Variants in SLC4A11 observed in about 807,000 individuals in gnomAD.
SLC4A11 encodes bicarbonate transporter related protein 1.
A neutral mutation model predicts 95.0 loss-of-function variants in SLC4A11; 74 were observed. That is an observed-to-expected ratio of 0.78 (90% CI 0.65 to 0.95). The LOEUF (loss-of-function observed/expected upper bound fraction) is 0.95. Among genes scored for constraint, SLC4A11 ranks in the 40% least tolerant of loss-of-function variants. SLC4A11 has a pLI of 0.00. For synonymous variants in SLC4A11, 548 were observed against 519.0 expected (o/e 1.06, Z -0.76); for missense variants, 1,081 against 1,192.4 (o/e 0.91, Z 1.38).
chr20:3,231,240 G>T lies in SLC4A11; in HGVS notation c.951C>A (p.Pro317=), dbSNP rs369617230. 43 of 1,613,832 alleles carry T rather than the reference G, an allele frequency of 2.7e-5. No homozygotes were observed. The highest frequency in any genetic ancestry group is 3.5e-5 in the Non-Finnish European group (41 of 1,180,026). Residue 317 remains proline, a splice_region_variant and synonymous_variant, in exon 9 of 20, where the codon CCC becomes CCA. Coordinates refer to ENST00000642402, the MANE Select transcript of SLC4A11 (RefSeq NM_001174089.2). This position sits in a 1 kb window ranked among gnomAD's most constrained non-coding sequence, Gnocchi z 5.2. ...AAGGGACAAAGTCCTTGCACTTTGG[G>T]GGCTGGAGGAGAGGACAGAGCGCCT... The part of the protein sequence containing the change: ...VSLPAHRHPE[P]PKCKDFVPFG...
Position 3,228,837 on chromosome 20 carries a change from C to A in SLC4A11, c.2192+1G>T. 1 of 1,613,782 alleles carries A rather than the reference C, an allele frequency of 6.2e-7. No homozygotes were observed. ...ACGGCTCTTGCCAGCCTCACACTCA[C>A]GTGTCATAGATGTGTCCGTTCTCCA... is the stretch of plus-strand genomic sequence containing the variant. On this transcript the variant is annotated splice_donor_variant, in intron 17 of 19. Coordinates refer to ENST00000642402, the MANE Select transcript of SLC4A11 (RefSeq NM_001174089.2). LOFTEE classifies it high-confidence loss of function.
Position 3,234,784 on chromosome 20 carries a change from A to G in SLC4A11, c.199T>C (p.Phe67Leu). ...SSIVSGESIR[F>L]FVNVNLEMQA... is the part of the protein sequence containing the mutation. The stretch of plus-strand genomic sequence containing the variant: ...ATCTCAAGGTTGACATTGACAAAAA[A>G]ACGGATACTCTCGCCAGACACGATG... Residue 67 changes from phenylalanine (F) to leucine (L), a missense_variant, in exon 3 of 20, where the codon TTT becomes CTT. Around this residue, in one of 3 missense-constraint regions of SLC4A11, gnomAD observed 310 missense variants for 313.5 expected, o/e 0.99. Transcript: ENST00000642402. This position sits in a 1 kb window ranked among gnomAD's most constrained non-coding sequence, Gnocchi z 5.8. The G allele has an allele frequency of 6.2e-7, 1 of 1,614,030 alleles. No individual in the cohort carries two copies. Among genetic ancestry groups the G allele is most frequent in the Non-Finnish European group, 8.5e-7 (1 of 1,180,010 alleles).
upstream of SLC4A11, chr20:3,239,314 G>C: frequency 8.7e-7 from 1 of 1,154,844 alleles, no homozygotes; most frequent in Non-Finnish European, 1.1e-6. Flanking sequence ...AGCTGCCGAG[G>C]GCTGGGACCC....
intron 7 of SLC4A11, among the ~76,000 whole-genome samples, chr20:3,232,471 C>A (rs930721342): frequency 3.9e-5 from 6 of 152,254 alleles, no homozygotes; most frequent in African/African-American, 1.4e-4. Context: ...GAGGCTAAGG[C>A]AGGCAGATCA....
In SLC4A11 at chr20:3,230,654, G is replaced by T; in HGVS notation, c.1283-7C>A. ...TCACAGATGACACGAATCACTGCAG[G>T]CAGGGGGCAGGGCGGGTCAGGGCCC... is the stretch of plus-strand genomic sequence containing the variant. On this transcript the variant is annotated splice_polypyrimidine_tract_variant and splice_region_variant and intron_variant, in intron 11 of 19. Coordinates refer to ENST00000642402, the MANE Select transcript of SLC4A11 (RefSeq NM_001174089.2). 6.2e-7 allele frequency: 1 copy of T among 1,613,208 alleles called. No individual in the cohort carries two copies. Among genetic ancestry groups the T allele is most frequent in the Non-Finnish European group, 8.5e-7 (1 of 1,179,982 alleles).
intron 1 of SLC4A11, chr20:3,238,741 C>G: frequency 9.3e-7 from 1 of 1,080,032 alleles, no homozygotes; most frequent in Non-Finnish European, 1.1e-6. Context: ...GGCGGCCCGC[C>G]AGGCTCCCAA....
Position 3,229,026 on chromosome 20 carries a change from C to A in SLC4A11, c.2019-15G>T, listed in dbSNP as rs6051658. The stretch of plus-strand genomic sequence containing the variant: ...CCTTCACCAGCCTGCAGCAGACGGG[C>A]ACTCGTGGACAGAGCCCCACAGCAG... On this transcript the variant is annotated splice_polypyrimidine_tract_variant and intron_variant, in intron 16 of 19. Transcript: ENST00000642402. The A allele has an allele frequency of 9.3e-6, 15 of 1,610,712 alleles. 1 individual carries two copies. In the African/African-American group the frequency reaches 1.5e-4, roughly 16 times the overall value.
chr20:3,239,033 C>A, intron 1 of SLC4A11, 62 bp downstream of exon 1: 1 of 1,452,280 alleles, frequency 6.9e-7, no homozygotes, highest in Admixed American at 2.5e-5. Flanking sequence ...GGGTCCCCGA[C>A]GGGAGACGGT....
At position 3,234,480 on chromosome 20, in the gene SLC4A11, A is replaced by AG. The variant is rs2067900985; in HGVS notation, c.291+87dup. 1 of 1,576,232 alleles carries AG rather than the reference A, an allele frequency of 6.3e-7. No homozygotes were observed. Among genetic ancestry groups the AG allele is most frequent in the Non-Finnish European group, 8.7e-7 (1 of 1,148,252 alleles). ...GAGCTGCTCCTGGAGGCATGGGAAG[A>AG]GGGGAGCAGCGGGAGGATTCTCAGG... On this transcript the variant is annotated intron_variant, in intron 4 of 19. Transcript: ENST00000642402. This position sits in a 1 kb window ranked among gnomAD's most constrained non-coding sequence, Gnocchi z 5.8.
At position 3,234,057 on chromosome 20, in the gene SLC4A11, C is replaced by G. The variant is rs41281864; in HGVS notation, c.523+26G>C. On this transcript the variant is annotated intron_variant, in intron 5 of 19. Coordinates refer to ENST00000642402, the MANE Select transcript of SLC4A11 (RefSeq NM_001174089.2). The surrounding 1 kb of genome is among the most constrained non-coding windows in gnomAD (Gnocchi z 5.8). ...GGTCAACAGCCCCTCCCAACGCCCC[C>G]GCCCGGGCCGGGAGACCGGCCTCAC... is the stretch of plus-strand genomic sequence containing the variant. 6.8e-6 allele frequency: 11 copies of G among 1,613,524 alleles called. No homozygotes were observed. The highest frequency in any genetic ancestry group is 9.3e-6 in the Non-Finnish European group (11 of 1,179,934).
rs1177833115 is a variant in SLC4A11, at chr20:3,234,194, T to C, written c.412A>G (p.Thr138Ala). The change falls in exon 5 of 20, where the codon ACC becomes GCC. Residue 138 changes from threonine (T) to alanine (A), a missense_variant. Coordinates refer to ENST00000642402, the MANE Select transcript of SLC4A11 (RefSeq NM_001174089.2). This position sits in a 1 kb window ranked among gnomAD's most constrained non-coding sequence, Gnocchi z 5.8. Reference sequence around the variant, plus strand: ...TCCCTGGCGAAGCGGCGAAGCATGGTCCGCAGCACGTTATCCAGGGAGGTG... The same window carrying C: ...TCCCTGGCGAAGCGGCGAAGCATGGCCCGCAGCACGTTATCCAGGGAGGTG... The part of the protein sequence containing the change: ...TATSLDNVLR[T>A]MLRRFARDPD... 6.2e-7 allele frequency: 1 copy of C among 1,613,952 alleles called. No individual in the cohort carries two copies. The highest frequency in any genetic ancestry group is 1.3e-5 in the African/African-American group (1 of 74,912).
In SLC4A11 at chr20:3,227,645, CA is replaced by C. The variant is rs2067574087; in HGVS notation, c.*141del. On this transcript the variant is annotated 3_prime_UTR_variant, in exon 20 of 20. Coordinates refer to ENST00000642402, the MANE Select transcript of SLC4A11 (RefSeq NM_001174089.2). ...CATACCACTGCACCCCTACAATGCC[CA>C]GATGCCCCAGGCCTGAGTCAGCCAT... is the stretch of plus-strand genomic sequence containing the variant. 1 of 832,726 alleles carries C rather than the reference CA, an allele frequency of 1.2e-6. No homozygotes were observed. The allele number at this position is 832,726 out of a possible 1,614,324, so 51.6% of individuals were successfully genotyped here.
chr20:3,237,773 G>A (rs2068030732), intron 1 of SLC4A11, 185 bp from the exon 2 acceptor site: 13 of 1,610,724 alleles, frequency 8.1e-6, no homozygotes, highest in Non-Finnish European at 8.5e-6. Flanking sequence ...AGCAGGGGAA[G>A]CCAGCCTTAA....
intron 1 of SLC4A11, chr20:3,238,011 C>A (rs901830978): frequency 6.5e-7 from 1 of 1,544,676 alleles, no homozygotes; most frequent in Non-Finnish European, 8.8e-7. Context: ...GGGGATCTCT[C>A]TGCACATCCC....
rs910347922 is a variant in SLC4A11, at chr20:3,231,078, G to T, written c.1043-20C>A. On this transcript the variant is annotated intron_variant, in intron 9 of 19. Coordinates refer to ENST00000642402, the MANE Select transcript of SLC4A11 (RefSeq NM_001174089.2). This position sits in a 1 kb window ranked among gnomAD's most constrained non-coding sequence, Gnocchi z 5.2. Reference sequence around the variant, plus strand: ...TAATGCCTAGGAATGGGGGATGGGAGAGAGGGTTTGCTGGGGATGCAGGAC... The same window carrying T: ...TAATGCCTAGGAATGGGGGATGGGATAGAGGGTTTGCTGGGGATGCAGGAC... The T allele has an allele frequency of 1.3e-6, 2 of 1,587,752 alleles. No individual in the cohort carries two copies. Among genetic ancestry groups the T allele is most frequent in the African/African-American group, 3.9e-5 (2 of 50,858 alleles).
rs374229574 is a variant in SLC4A11, at chr20:3,234,022, G to C, written c.524-20C>G. Reference sequence around the variant, plus strand: ...GGTGGACTGAGGAAAGAGTGAGGGGGAGGGTGGTGGGTCAACAGCCCCTCC... The same window carrying C: ...GGTGGACTGAGGAAAGAGTGAGGGGCAGGGTGGTGGGTCAACAGCCCCTCC... On this transcript the variant is annotated intron_variant, in intron 5 of 19. Transcript: ENST00000642402. This position sits in a 1 kb window ranked among gnomAD's most constrained non-coding sequence, Gnocchi z 5.8. 1.2e-6 allele frequency: 2 copies of C among 1,613,656 alleles called. No individual in the cohort carries two copies. The highest frequency in any genetic ancestry group is 8.5e-7 in the Non-Finnish European group (1 of 1,179,950).
chr20:3,228,574 C>T lies in SLC4A11; in HGVS notation c.2326G>A (p.Ala776Thr), dbSNP rs138917586. The change falls in exon 18 of 20, where the codon GCG becomes ACG. Residue 776 changes from alanine (A) to threonine (T), a missense_variant. Around this residue, in one of 3 missense-constraint regions of SLC4A11, gnomAD observed 767 missense variants for 858.0 expected, o/e 0.89. Transcript: ENST00000642402. ...TGGTTGCCATCGAGGGAGGTGAGCG[C>T]GATGTAGAGGAAGAGGCCATAGAGC... Reference protein sequence around the residue: ...PVLYGLFLYIALTSLDGNQLV... With the variant: ...PVLYGLFLYITLTSLDGNQLV... The T allele has an allele frequency of 2.4e-5, 39 of 1,613,072 alleles. No homozygotes were observed. The highest frequency in any genetic ancestry group is 3.1e-5 in the Non-Finnish European group (37 of 1,179,970).
In SLC4A11 at chr20:3,229,682, G is replaced by A; in HGVS notation, c.1584C>T (p.Leu528=). Residue 528 remains leucine, a synonymous_variant, in exon 14 of 20, where the codon CTC becomes CTT. Transcript: ENST00000642402. ...LVSLSGLGAS[L]NASLHTALNA... is the part of the protein sequence containing the mutation. ...TGAGGGCAGTGTGGAGGCTGGCGTT[G>A]AGGCTGGCGCCGAGGCCTGACAGGC... is the stretch of plus-strand genomic sequence containing the variant. 6.2e-7 allele frequency: 1 copy of A among 1,613,906 alleles called. No homozygotes were observed. Among genetic ancestry groups the A allele is most frequent in the South Asian group, 1.1e-5 (1 of 91,092 alleles).
chr20:3,235,050 C>G (rs773614376), intron 2 of SLC4A11, 156 bp from the exon 3 acceptor site: 19 of 804,160 alleles, frequency 2.4e-5, no homozygotes, highest in Non-Finnish European at 3.6e-5. Flanking sequence ...GCTTCTAGTC[C>G]TGCCCCAGCC....
Sources: allele counts gnomAD v4.1 joint callset (sites outside exome capture counted in the v4.1 genomes callset), GRCh38; gene constraint gnomAD v4.1.1; regional missense constraint gnomAD v4.1.1; non-coding constraint Gnocchi (gnomAD v3.1); transcripts MANE v1.5; gene names NCBI Gene and HGNC (gene_info 2026-07-23, HGNC 2026-07-21).